The following RBFOX1 variants were observed in gnomAD, a reference collection of about 807,000 sequenced individuals.
The protein encoded by RBFOX1 is RNA binding protein fox-1 homolog 1.
RBFOX1 carries 8 observed loss-of-function variants against 57.7 expected under a neutral mutation model. That is an observed-to-expected ratio of 0.14 (90% CI 0.08 to 0.25). The LOEUF (loss-of-function observed/expected upper bound fraction) is 0.25, where lower values mean the gene tolerates loss of function less well. Ranked by LOEUF, RBFOX1 falls within the 10% of genes least tolerant of loss-of-function variation. The pLI, the probability that RBFOX1 is intolerant of heterozygous loss-of-function variation, is 1.00. For missense variants in RBFOX1, 611 were observed against 548.5 expected (o/e 1.11, Z -1.14); for synonymous variants, 326 against 222.4 (o/e 1.47, Z -4.15).
chr16:5,482,043 C>G (rs1023592467), intron 2 of RBFOX1, among the ~76,000 whole-genome samples: 2 of 152,176 alleles, frequency 1.3e-5, no homozygotes, highest in African/African-American at 4.8e-5. Flanking sequence ...ACAGCCTCTT[C>G]TTAGGTAGTG....
At chr16:7,285,776 T>C (rs1309524134) in intron 4 of RBFOX1, among the ~76,000 whole-genome samples, 1 of 152,224 alleles carries the variant, frequency 6.6e-6, no homozygotes, top group African/African-American at 2.4e-5. Flanking sequence ...GTTTAACCAT[T>C]CATCTATTGA....
intron 2 of RBFOX1, among the ~76,000 whole-genome samples, chr16:5,508,784 AT>A (rs1334529750): frequency 6.6e-6 from 1 of 152,194 alleles, no homozygotes; most frequent in East Asian, 1.9e-4. Flanking sequence ...AGCTCACAGT[AT>A]GTCCCTGCAG....
Position 5,780,872 on chromosome 16 carries a change from C to T in RBFOX1, c.319-86431C>T, listed in dbSNP as rs878962416. 1.1e-4 allele frequency among the ~76,000 whole-genome samples: 16 copies of T among 152,340 alleles called. No individual in the cohort carries two copies. The South Asian group carries it at 2.3e-3, about 22-fold the overall frequency. On this transcript the variant is annotated intron_variant, in intron 3 of 19. Transcript: ENST00000641259. Reference sequence around the variant, plus strand: ...AACTGGTAGGTGCCATCGCTATCTGCACAGTCTACCATGCTAGAGCAGAAT... The same window carrying T: ...AACTGGTAGGTGCCATCGCTATCTGTACAGTCTACCATGCTAGAGCAGAAT...
intron 1 of RBFOX1, among the ~76,000 whole-genome samples, chr16:6,231,222 G>A (rs1321317987): frequency 1.1e-5 from 1 of 94,334 alleles, no homozygotes; most frequent in African/African-American, 3.3e-5. Flanking sequence ...GTGTTTGTGT[G>A]TGTGTGTGTG....
At chr16:5,962,349 G>C (rs928164763) in intron 4 of RBFOX1, among the ~76,000 whole-genome samples, 5 of 152,034 alleles carry the variant, frequency 3.3e-5, no homozygotes, top group African/African-American at 9.7e-5. Flanking sequence ...AGTTTTCTTT[G>C]AACTATGCTT....
intron 13 of RBFOX1, among the ~76,000 whole-genome samples, chr16:7,670,909 C>T (rs766206678): frequency 3.3e-5 from 5 of 152,096 alleles, no homozygotes; most frequent in African/African-American, 4.8e-5. Flanking sequence ...ACCTTCCTTG[C>T]CAGTGCTAGA....
At chr16:5,732,183 A>C (rs1044226398) in intron 3 of RBFOX1, among the ~76,000 whole-genome samples, 1 of 152,234 alleles carries the variant, frequency 6.6e-6, no homozygotes, top group African/African-American at 2.4e-5. Flanking sequence ...CACCTGCTGC[A>C]TGGAGATAAT....
intron 3 of RBFOX1, among the ~76,000 whole-genome samples, chr16:7,025,161 C>G (rs893588544): frequency 1.3e-5 from 2 of 152,170 alleles, no homozygotes; most frequent in South Asian, 2.1e-4. Flanking sequence ...AGGCTGCTGC[C>G]TGCCCATTTT....
intron 4 of RBFOX1, among the ~76,000 whole-genome samples, chr16:7,088,120 A>G (rs2060262144): frequency 6.6e-6 from 1 of 152,190 alleles, no homozygotes; most frequent in South Asian, 2.1e-4. Flanking sequence ...AAAAGGAATG[A>G]CAAAAAAATG....
intron 2 of RBFOX1, among the ~76,000 whole-genome samples, chr16:6,364,888 C>T (rs552712883): frequency 1.3e-5 from 2 of 152,018 alleles, no homozygotes; most frequent in South Asian, 2.1e-4. Context: ...CTAGACTGGG[C>T]GAGGGGCAGG....
intron 14 of RBFOX1, among the ~76,000 whole-genome samples, chr16:7,690,121 G>A (rs2077000852): frequency 6.6e-6 from 1 of 151,992 alleles, no homozygotes; most frequent in Admixed American, 6.6e-5. Context: ...CTTCTCAGCT[G>A]GGCCACATAT....
chr16:6,076,166 T>A (rs187523525), intron 1 of RBFOX1, among the ~76,000 whole-genome samples: 92 of 151,946 alleles, frequency 6.1e-4, no homozygotes, highest in African/African-American at 2.1e-3. Flanking sequence ...GGTGTGGTGG[T>A]GCATGCTCTA....
intron 2 of RBFOX1, among the ~76,000 whole-genome samples, chr16:6,466,153 C>G (rs749698716): frequency 1.3e-5 from 2 of 150,898 alleles, no homozygotes; most frequent in African/African-American, 4.9e-5. Context: ...CGCTTGAACC[C>G]GGGAGGCAGA....
intron 3 of RBFOX1, among the ~76,000 whole-genome samples, chr16:6,873,145 A>C (rs1258329086): frequency 6.6e-6 from 1 of 151,704 alleles, no homozygotes; most frequent in Non-Finnish European, 1.5e-5. Flanking sequence ...AAAAAAAAAA[A>C]GCTCTATAGC....
chr16:6,931,068 C>A (rs189649963), intron 3 of RBFOX1, among the ~76,000 whole-genome samples: 9 of 151,832 alleles, frequency 5.9e-5, no homozygotes, highest in African/African-American at 2.2e-4. Context: ...TTGCTGTATG[C>A]CTAACATTTA....
chr16:7,520,164 C>T (rs1260279560), intron 5 of RBFOX1, among the ~76,000 whole-genome samples: 4 of 152,142 alleles, frequency 2.6e-5, no homozygotes, highest in Non-Finnish European at 4.4e-5. Context: ...GGATTACAGG[C>T]GTGAGCCACC....
At chr16:5,637,679 T>C (rs946911331) in intron 3 of RBFOX1, among the ~76,000 whole-genome samples, 2 of 152,124 alleles carry the variant, frequency 1.3e-5, no homozygotes. Context: ...ATGAATCCAG[T>C]AGTTCCCCAG....
At chr16:5,503,107 C>G (rs2043256516) in intron 2 of RBFOX1, among the ~76,000 whole-genome samples, 2 of 152,204 alleles carry the variant, frequency 1.3e-5, no homozygotes, top group African/African-American at 4.8e-5. Flanking sequence ...GGTGCAGGCT[C>G]TGGAACCACA....
chr16:7,288,148 A>C (rs1275031939), intron 4 of RBFOX1, among the ~76,000 whole-genome samples: 1 of 152,186 alleles, frequency 6.6e-6, no homozygotes, highest in African/African-American at 2.4e-5. Flanking sequence ...AGAGTGGTTT[A>C]AGATACCCAC....
Sources: allele counts gnomAD v4.1 joint callset (sites outside exome capture counted in the v4.1 genomes callset), GRCh38; gene constraint gnomAD v4.1.1; transcripts MANE v1.5; gene names NCBI Gene and HGNC (gene_info 2026-07-23, HGNC 2026-07-21).